NFU1: variants seen among roughly 807,000 people sequenced by gnomAD.
NFU1 encodes the protein NFU1 iron-sulfur cluster scaffold, also known as NFU1 iron-sulfur cluster scaffold homolog, mitochondrial.
NFU1 carries 30 observed loss-of-function variants against 32.2 expected under a neutral mutation model. The ratio of observed to expected loss-of-function variants is 0.93; its 90% CI spans 0.70 to 1.26. NFU1 has a LOEUF of 1.26. Ranked by LOEUF, NFU1 falls within the 50% of genes most tolerant of loss-of-function variation. The pLI is 0.00. For synonymous variants in NFU1, 112 were observed against 104.6 expected, an observed-to-expected ratio of 1.07 and a Z score of -0.43; for missense variants, 306 against 306.6, an observed-to-expected ratio of 1.00 and a Z score of 0.02.
At chr2:69,416,668 G>A (rs1464827606) in intron 4 of NFU1, among the ~76,000 whole-genome samples, 1 of 152,138 alleles carries the variant, frequency 6.6e-6, no homozygotes, top group Non-Finnish European at 1.5e-5. Context: ...GGAGGCCGAG[G>A]CGGGTGGATC....
chr2:69,400,255 C>A, intron 7 of NFU1, 109 bp downstream of exon 7: 1 of 1,011,308 alleles, frequency 9.9e-7, no homozygotes, highest in South Asian at 1.4e-5. Flanking sequence ...AAAGCTAGGT[C>A]ATGAACTTCT....
intron 3 of NFU1, among the ~76,000 whole-genome samples, chr2:69,420,778 G>C (rs1057313972): frequency 3.9e-5 from 6 of 152,218 alleles, no homozygotes; most frequent in African/African-American, 1.4e-4. Context: ...AAATAAAACA[G>C]AACAACAAAA....
Position 69,423,589 on chromosome 2 carries a change from G to T in NFU1, c.295C>A (p.Leu99Met), listed in dbSNP as rs779719733. ...PTPAAAFRSP[L>M]ARQLFRIEGV... is the part of the protein sequence containing the mutation. ...ATGAAAACAGTAATATACCTAGCCA[G>T]AGGGGAGCGAAATGCTGCAGCTGGG... Residue 99 changes from leucine (L) to methionine (M), a missense_variant, in exon 3 of 8, where the codon CTG becomes ATG. Leu to Met is a conservative substitution (Grantham distance 15, BLOSUM62 2). Coordinates refer to ENST00000410022, the MANE Select transcript of NFU1 (RefSeq NM_001002755.4). The T allele has an allele frequency of 1.9e-6, 3 of 1,613,584 alleles. No homozygotes were observed. The highest frequency in any genetic ancestry group is 1.7e-6 in the Non-Finnish European group (2 of 1,179,924).
At chr2:69,407,481 AGCCTG>A (rs1216941004) in intron 5 of NFU1, among the ~76,000 whole-genome samples, 1 of 152,018 alleles carries the variant, frequency 6.6e-6, no homozygotes, top group African/African-American at 2.4e-5. Flanking sequence ...GTTCCAGACC[AGCCTG>A]GCCAATAGGG....
chr2:69,416,779 T>C (rs1673069546), intron 4 of NFU1, among the ~76,000 whole-genome samples: 1 of 152,090 alleles, frequency 6.6e-6, no homozygotes, highest in Non-Finnish European at 1.5e-5. Context: ...AGGCCTGTAA[T>C]CCCAGCTACT....
chr2:69,397,069 G>A (rs1411286061), intron 7 of NFU1, among the ~76,000 whole-genome samples: 4 of 147,476 alleles, frequency 2.7e-5, no homozygotes, highest in Admixed American at 6.7e-5. Context: ...GCAAGACTCC[G>A]TCTCAAAAAA....
intron 5 of NFU1, 149 bp downstream of exon 5, chr2:69,415,036 C>A: frequency 1.6e-6 from 1 of 612,634 alleles, no homozygotes; most frequent in South Asian, 2.1e-5. Context: ...TATACACAAG[C>A]TTTCAAAATG....
At chr2:69,410,460 G>T (rs1000909183) in intron 5 of NFU1, among the ~76,000 whole-genome samples, 3 of 152,166 alleles carry the variant, frequency 2.0e-5, no homozygotes, top group Non-Finnish European at 2.9e-5. Context: ...GAGGCAGATT[G>T]CCCAAAGTTC....
chr2:69,437,974 G>A (rs1673915935), upstream of NFU1, among the ~76,000 whole-genome samples: 1 of 152,216 alleles, frequency 6.6e-6, no homozygotes, highest in Admixed American at 6.5e-5. Context: ...CACAGAGGAT[G>A]TATCTGGTAC....
In NFU1 at chr2:69,433,761, G is replaced by A. The variant is rs566964065; in HGVS notation, c.63-1756C>T. 4.6e-5 allele frequency among the ~76,000 whole-genome samples: 7 copies of A among 151,948 alleles called. No individual in the cohort carries two copies. In the South Asian group the frequency reaches 8.3e-4, roughly 18 times the overall value. Reference sequence around the variant, plus strand: ...AAAATGCTGGGATTACACAGCCAACGATCTTGATCACGCTTTTCGTGTTTT... The same window carrying A: ...AAAATGCTGGGATTACACAGCCAACAATCTTGATCACGCTTTTCGTGTTTT... On this transcript the variant is annotated intron_variant, in intron 1 of 7. Coordinates refer to ENST00000410022, the MANE Select transcript of NFU1 (RefSeq NM_001002755.4).
At chr2:69,418,018 G>T (rs1673113403) in intron 4 of NFU1, among the ~76,000 whole-genome samples, 1 of 152,130 alleles carries the variant, frequency 6.6e-6, no homozygotes, top group Admixed American at 6.6e-5. Flanking sequence ...GATAACATAT[G>T]TAAAGCACTA....
intron 2 of NFU1, 151 bp from the exon 3 acceptor site, chr2:69,423,868 A>G (rs1007273711): frequency 1.5e-6 from 1 of 666,976 alleles, no homozygotes; most frequent in African/African-American, 1.8e-5. Context: ...ATTTATAAGG[A>G]TAAGAAAGAA....
At chr2:69,419,748 ATATT>A in intron 3 of NFU1, 144 bp from the exon 4 acceptor site, 2 of 640,674 alleles carry the variant, frequency 3.1e-6, no homozygotes, top group South Asian at 3.8e-5. Flanking sequence ...ATTTTGTTTT[ATATT>A]CCTACTCTAC....
At chr2:69,439,152 G>A (rs1558863070), upstream of NFU1, among the ~76,000 whole-genome samples, 2 of 152,042 alleles carry the variant, frequency 1.3e-5, no homozygotes, top group Admixed American at 6.6e-5. Flanking sequence ...TTAGTCTCTA[G>A]TTTTTCACTT....
intron 1 of NFU1, among the ~76,000 whole-genome samples, chr2:69,434,173 C>T (rs1464689206): frequency 6.8e-6 from 1 of 147,314 alleles, no homozygotes; most frequent in Non-Finnish European, 1.5e-5. Flanking sequence ...GAGACGGAGT[C>T]TTGCTCTGTC....
At chr2:69,413,556 T>G (rs1672958788) in intron 5 of NFU1, among the ~76,000 whole-genome samples, 1 of 151,854 alleles carries the variant, frequency 6.6e-6, no homozygotes, top group Non-Finnish European at 1.5e-5. Context: ...AGGTCAGGAG[T>G]TCGGGATCAG....
At chr2:69,402,302 T>C (rs1228536287) in intron 6 of NFU1, among the ~76,000 whole-genome samples, 2 of 152,222 alleles carry the variant, frequency 1.3e-5, no homozygotes, top group African/African-American at 4.8e-5. Flanking sequence ...TGTAAATATC[T>C]TCTAATCTGT....
chr2:69,402,708 A>G (rs1672562848), intron 6 of NFU1, among the ~76,000 whole-genome samples: 1 of 151,810 alleles, frequency 6.6e-6, no homozygotes, highest in African/African-American at 2.4e-5. Flanking sequence ...CAGCCTCCCG[A>G]GTAGCTGGGA....
Position 69,418,306 on chromosome 2 carries a change from G to A in NFU1, c.369+1232C>T, listed in dbSNP as rs115662744. Reference sequence around the variant, plus strand: ...TCCCAGCTACTAGGGAGGCTGAGGTGAGATGACTGCTTAAGCTCAAGAGGC... The same window carrying A: ...TCCCAGCTACTAGGGAGGCTGAGGTAAGATGACTGCTTAAGCTCAAGAGGC... On this transcript the variant is annotated intron_variant, in intron 4 of 7. Transcript: ENST00000410022. 7.1e-3 allele frequency among the ~76,000 whole-genome samples: 1,088 copies of A among 152,248 alleles called. 6 individuals carry two copies. Among genetic ancestry groups the A allele is most frequent in the Middle Eastern group, 0.027 (8 of 294 alleles).
Sources: allele counts gnomAD v4.1 joint callset (sites outside exome capture counted in the v4.1 genomes callset), GRCh38; gene constraint gnomAD v4.1.1; transcripts MANE v1.5; gene names NCBI Gene and HGNC (gene_info 2026-07-23, HGNC 2026-07-21).